SPRY3: variants seen among roughly 807,000 people sequenced by gnomAD.
The protein encoded by SPRY3 is sprouty RTK signaling antagonist 3.
A neutral mutation model predicts 20.2 loss-of-function variants in SPRY3; 15 were observed. That is an observed-to-expected ratio of 0.74 (90% confidence interval 0.50 to 1.14). The LOEUF (loss-of-function observed/expected upper bound fraction) is 1.14. Ranked by LOEUF, SPRY3 falls within the 50% of genes most tolerant of loss-of-function variation. SPRY3 has a pLI of 0.00. For synonymous variants in SPRY3, 143 were observed against 136.5 expected (o/e 1.05, Z -0.33); for missense variants, 364 against 363.9 (o/e 1.00, Z 0.00).
At chrX:155,705,184 T>C (rs2090941763) in intron 2 of SPRY3, among the ~76,000 whole-genome samples, 2 of 151,534 alleles carry the variant, frequency 1.3e-5, no homozygotes, top group Non-Finnish European at 3.0e-5. Context: ...TTATTGTATA[T>C]TTATAGCATA....
chrX:155,774,415 C>A (rs1316333774), exon 4 of SPRY3: 2 of 1,613,896 alleles, frequency 1.2e-6, no homozygotes, highest in Non-Finnish European at 1.7e-6. Context: ...TGAGAGCCTC[C>A]TCGATTATGG....
intron 2 of SPRY3, among the ~76,000 whole-genome samples, chrX:155,693,213 C>G (rs2068108891): frequency 9.1e-6 from 1 of 110,380 alleles, no homozygotes; most frequent in African/African-American, 3.3e-5. Flanking sequence ...TATCTAATGC[C>G]TCTTATAATT....
intron 2 of SPRY3, among the ~76,000 whole-genome samples, chrX:155,746,982 G>A (rs1251798367): frequency 6.6e-6 from 1 of 151,802 alleles, no homozygotes; most frequent in Non-Finnish European, 1.5e-5. Context: ...GCTCCAAACT[G>A]TGGATCTGGG....
intron 2 of SPRY3, among the ~76,000 whole-genome samples, chrX:155,747,947 T>G (rs2091237300): frequency 6.6e-6 from 1 of 151,952 alleles, no homozygotes; most frequent in Non-Finnish European, 1.5e-5. Context: ...TACTTACCAT[T>G]TGTATACTTG....
At chrX:155,753,084 A>C (rs1295017776) in intron 2 of SPRY3, among the ~76,000 whole-genome samples, 1 of 151,916 alleles carries the variant, frequency 6.6e-6, no homozygotes, top group East Asian at 1.9e-4. Context: ...ATTCTTTAAA[A>C]AACAGCTTTA....
At chrX:155,692,173 T>A (rs1569562640) in intron 2 of SPRY3, among the ~76,000 whole-genome samples, 2 of 109,265 alleles carry the variant, frequency 1.8e-5, no homozygotes, top group African/African-American at 6.9e-5. Context: ...GAATAGTAAA[T>A]GGGTACAGCT....
chrX:155,720,611 A>G (rs1358609847), intron 2 of SPRY3, among the ~76,000 whole-genome samples: 1 of 152,124 alleles, frequency 6.6e-6, no homozygotes, highest in African/African-American at 2.4e-5. Flanking sequence ...AGAGAGAGAG[A>G]GACTCTATTT....
At chrX:155,640,344 T>A (rs998866951) in intron 1 of SPRY3, among the ~76,000 whole-genome samples, 25 of 112,475 alleles carry the variant, frequency 2.2e-4, no homozygotes, top group African/African-American at 8.0e-4. Flanking sequence ...AGAAAATAAA[T>A]GTATAGTACT....
chrX:155,703,566 G>T (rs1462999004), intron 2 of SPRY3, among the ~76,000 whole-genome samples: 1 of 112,246 alleles, frequency 8.9e-6, no homozygotes, highest in East Asian at 2.5e-4. Flanking sequence ...CAAAAAACCA[G>T]CTCCTGGATT....
At chrX:155,646,216 A>G (rs1369426268) in intron 1 of SPRY3, among the ~76,000 whole-genome samples, 2 of 112,000 alleles carry the variant, frequency 1.8e-5, no homozygotes, top group Non-Finnish European at 3.8e-5. Context: ...TCTCGAAATC[A>G]GAAAGTTTGA....
intron 2 of SPRY3, among the ~76,000 whole-genome samples, chrX:155,705,623 C>T (rs1407726450): frequency 1.3e-5 from 2 of 151,208 alleles, no homozygotes; most frequent in Non-Finnish European, 3.0e-5. Context: ...AAGAAACTCA[C>T]TTTAACTGTA....
intron 1 of SPRY3, among the ~76,000 whole-genome samples, chrX:155,626,121 C>T (rs2067887415): frequency 9.0e-6 from 1 of 111,413 alleles, no homozygotes; most frequent in Non-Finnish European, 1.9e-5. Context: ...AACTGCCACA[C>T]TATTTTCCAC....
intron 1 of SPRY3, among the ~76,000 whole-genome samples, chrX:155,629,402 C>A (rs1235535331): frequency 9.0e-6 from 1 of 110,721 alleles, no homozygotes; most frequent in Non-Finnish European, 1.9e-5. Context: ...AATCCAGTCT[C>A]TCATTGATGG....
intron 2 of SPRY3, among the ~76,000 whole-genome samples, chrX:155,733,278 T>C (rs1311535039): frequency 1.3e-5 from 2 of 151,256 alleles, no homozygotes; most frequent in African/African-American, 4.9e-5. Context: ...CCTATATATA[T>C]ATACACACAC....
At chrX:155,779,660 G>T (rs1339525019), downstream of SPRY3, 2 of 166,936 alleles carry the variant, frequency 1.2e-5, no homozygotes, top group East Asian at 3.8e-4. Flanking sequence ...CAGGAAAACT[G>T]GTTAAGTCAA....
chrX:155,718,473 A>G (rs1419529118), intron 2 of SPRY3, among the ~76,000 whole-genome samples: 1 of 152,162 alleles, frequency 6.6e-6, no homozygotes, highest in East Asian at 1.9e-4. Context: ...AATTAATCAA[A>G]TAAAATAGTT....
intron 2 of SPRY3, among the ~76,000 whole-genome samples, chrX:155,679,048 G>T (rs1294937159): frequency 9.0e-6 from 1 of 110,713 alleles, no homozygotes; most frequent in Non-Finnish European, 1.9e-5. Context: ...GGCCTGTAGG[G>T]GCGTGGGGGG....
rs376472833 is a variant in SPRY3 at position 155,672,101 on chromosome X, G to T, written c.-282+15076G>T. 7.2e-5 allele frequency among the ~76,000 whole-genome samples: 8 copies of T among 111,552 alleles called. No individual in the cohort carries two copies. In the East Asian group the frequency reaches 8.5e-4, roughly 12 times the overall value. On this transcript the variant is annotated intron_variant, in intron 2 of 3. Transcript: ENST00000675360. ...AGCATGATGCCTCCAGCTTTGTTCT[G>T]TTGGCTTAGGATTGACTTGGCAATG...
intron 2 of SPRY3, among the ~76,000 whole-genome samples, chrX:155,676,806 C>T (rs2124564032): frequency 9.0e-6 from 1 of 111,648 alleles, no homozygotes; most frequent in South Asian, 3.7e-4. Flanking sequence ...TATAGGGACA[C>T]CTAATTCCAT....
Sources: gnomAD v4.1 joint callset for allele counts (sites outside exome capture counted in the v4.1 genomes callset) on GRCh38, gnomAD v4.1.1 for gene constraint, MANE v1.5 for transcripts, NCBI Gene and HGNC (gene_info 2026-07-23, HGNC 2026-07-21) for gene names.